Variants in SDK1 observed in about 807,000 individuals in gnomAD.
SDK1 encodes protein sidekick-1.
In SDK1, 157 loss-of-function variants were observed where a neutral mutation model predicts 245.5. The observed-to-expected ratio is 0.64, with a 90% CI of 0.56 to 0.73. The LOEUF (loss-of-function observed/expected upper bound fraction) is 0.73. Among genes scored for constraint, SDK1 ranks in the 30% least tolerant of loss-of-function variants. The pLI, the probability that SDK1 is intolerant of heterozygous loss-of-function variation, is 0.00. For missense variants in SDK1, 3,583 were observed against 3,002.3 expected (o/e 1.19, Z -4.52); for synonymous variants, 1,647 against 1,278.5 (o/e 1.29, Z -6.15).
chr7:3,619,307 T>A, intron 2 of SDK1, 68 bp downstream of exon 2: 1 of 1,351,192 alleles, frequency 7.4e-7, no homozygotes, highest in Non-Finnish European at 1.0e-6. Flanking sequence ...GCCTTACTGG[T>A]CATAATAGCA....
intron 35 of SDK1, among the ~76,000 whole-genome samples, chr7:4,200,005 GA>G (rs1286602245): frequency 6.6e-6 from 1 of 152,222 alleles, no homozygotes; most frequent in Admixed American, 6.5e-5. Context: ...TGAGGCAGGA[GA>G]ATAGCTTGAA....
intron 44 of SDK1, among the ~76,000 whole-genome samples, chr7:4,248,689 CACAT>C (rs1031336188): frequency 1.3e-5 from 2 of 151,976 alleles, no homozygotes; most frequent in African/African-American, 4.8e-5. Context: ...TACATGCACA[CACAT>C]ACATGCACAC....
chr7:3,539,319 G>A (rs1352701718), intron 1 of SDK1, among the ~76,000 whole-genome samples: 2 of 152,136 alleles, frequency 1.3e-5, no homozygotes, highest in Admixed American at 1.3e-4. Flanking sequence ...TTAGTTTTTA[G>A]CAGTTCCTTC....
chr7:3,607,792 G>A (rs1437249811), intron 1 of SDK1, among the ~76,000 whole-genome samples: 1 of 152,194 alleles, frequency 6.6e-6, no homozygotes. Context: ...GTGACAACAT[G>A]TTTTAATAGG....
intron 1 of SDK1, among the ~76,000 whole-genome samples, chr7:3,593,588 A>G (rs1228704935): frequency 6.6e-6 from 1 of 152,188 alleles, no homozygotes; most frequent in Non-Finnish European, 1.5e-5. Flanking sequence ...AAGGACCTGG[A>G]CTAAAAGATA....
chr7:3,574,642 T>C (rs988996114), intron 1 of SDK1, among the ~76,000 whole-genome samples: 1 of 152,094 alleles, frequency 6.6e-6, no homozygotes, highest in East Asian at 1.9e-4. Context: ...GTCCGCATCA[T>C]TCCCCTCCAC....
intron 1 of SDK1, among the ~76,000 whole-genome samples, chr7:3,306,715 TTA>T (rs1304234549): frequency 1.3e-5 from 2 of 152,176 alleles, no homozygotes; most frequent in Non-Finnish European, 2.9e-5. Flanking sequence ...CCAGTTGCCT[TTA>T]TGTTATTTCC....
chr7:4,051,550 A>C, intron 18 of SDK1, 88 bp from the exon 19 acceptor site: 1 of 1,184,976 alleles, frequency 8.4e-7, no homozygotes, highest in South Asian at 1.5e-5. Flanking sequence ...TTTACATTTT[A>C]AAAGACAAAA....
At chr7:3,819,539 G>A (rs1055016096) in intron 4 of SDK1, among the ~76,000 whole-genome samples, 1 of 151,900 alleles carries the variant, frequency 6.6e-6, no homozygotes, top group Non-Finnish European at 1.5e-5. Context: ...TTCATGTGTA[G>A]TAAATATTCA....
At chr7:3,865,683 CTT>C (rs546927109) in intron 5 of SDK1, among the ~76,000 whole-genome samples, 10 of 140,540 alleles carry the variant, frequency 7.1e-5, no homozygotes, top group Non-Finnish European at 6.3e-5. Context: ...TTATTTTTTT[CTT>C]TTTTTTTTTT....
intron 4 of SDK1, among the ~76,000 whole-genome samples, chr7:3,797,458 TACACAC>T (rs34376723): frequency 0.031 from 4,517 of 147,546 alleles, 156 homozygotes; most frequent in African/African-American, 0.082. Context: ...GGGGTGTGTA[TACACAC>T]ACACACACAC....
At chr7:3,576,825 A>T (rs1583185557) in intron 1 of SDK1, among the ~76,000 whole-genome samples, 1 of 152,032 alleles carries the variant, frequency 6.6e-6, no homozygotes, top group South Asian at 2.1e-4. Flanking sequence ...CTTGTAAATT[A>T]TATACAGTGC....
intron 4 of SDK1, among the ~76,000 whole-genome samples, chr7:3,669,222 T>A (rs975627485): frequency 6.6e-6 from 1 of 152,340 alleles, no homozygotes; most frequent in East Asian, 1.9e-4. Context: ...TCCCAAATTA[T>A]AAGAGCATGG....
intron 5 of SDK1, among the ~76,000 whole-genome samples, chr7:3,884,822 C>T (rs994618979): frequency 5.9e-5 from 9 of 152,176 alleles, no homozygotes; most frequent in Admixed American, 1.3e-4. Context: ...AACTCCTCAG[C>T]GTGAGTCATT....
At chr7:3,590,218 G>C (rs1237846210) in intron 1 of SDK1, among the ~76,000 whole-genome samples, 1 of 151,602 alleles carries the variant, frequency 6.6e-6, no homozygotes, top group African/African-American at 2.4e-5. Context: ...TTTCTGTTAC[G>C]GATACTGGAG....
intron 4 of SDK1, among the ~76,000 whole-genome samples, chr7:3,707,229 C>G (rs752922547): frequency 2.1e-4 from 32 of 152,212 alleles, no homozygotes; most frequent in Non-Finnish European, 4.0e-4. Flanking sequence ...TTTGCTGTAT[C>G]CAAGAAGTTT....
At chr7:3,449,533 C>T (rs1033961583) in intron 1 of SDK1, among the ~76,000 whole-genome samples, 3 of 152,146 alleles carry the variant, frequency 2.0e-5, no homozygotes, top group South Asian at 4.1e-4. Context: ...TAGGTTAGAT[C>T]ATCTTTATAA....
intron 7 of SDK1, chr7:3,958,291 G>T: frequency 3.6e-6 from 1 of 280,422 alleles, no homozygotes. Flanking sequence ...GTTGCAATTG[G>T]CTCTCCAAGG....
intron 2 of SDK1, 62 bp from the exon 3 acceptor site, chr7:3,638,942 G>T: frequency 1.1e-6 from 1 of 951,998 alleles, no homozygotes; most frequent in Non-Finnish European, 1.6e-6. Context: ...AGCATCTGAT[G>T]GTTAGATATA....
Sources: gnomAD v4.1 joint callset for allele counts (sites outside exome capture counted in the v4.1 genomes callset) on GRCh38, gnomAD v4.1.1 for gene constraint, MANE v1.5 for transcripts, NCBI Gene and HGNC (gene_info 2026-07-23, HGNC 2026-07-21) for gene names.